The following TRANK1 variants were observed in gnomAD, a reference collection of about 807,000 sequenced individuals.
TRANK1 encodes tetratricopeptide repeat and ankyrin repeat containing 1.
TRANK1 carries 198 observed loss-of-function variants against 266.0 expected under a neutral mutation model. That is an observed-to-expected ratio of 0.74 (90% CI 0.66 to 0.84). The LOEUF is 0.84. TRANK1 is among the 40% of genes least tolerant of loss of function. The pLI is 0.00. For synonymous variants in TRANK1, 1,396 were observed against 1,384.1 expected (o/e 1.01, Z -0.19); for missense variants, 3,326 against 3,634.6 (o/e 0.92, Z 2.18).
chr3:36,845,994 C>G (rs2078908838), intron 17 of TRANK1, among the ~76,000 whole-genome samples: 1 of 152,202 alleles, frequency 6.6e-6, no homozygotes, highest in South Asian at 2.1e-4. Context: ...CCTATTTCCT[C>G]TAGCCCTGTC....
chr3:36,870,823 C>T (rs1383600347), intron 9 of TRANK1, among the ~76,000 whole-genome samples: 1 of 152,084 alleles, frequency 6.6e-6, no homozygotes, highest in African/African-American at 2.4e-5. Context: ...TCTACTGAGT[C>T]TCTTCTCTTG....
rs1482368321 is a variant in TRANK1, at chr3:36,828,362, T to C, written c.8823A>G (p.Glu2941=). Residue 2941 remains glutamate, a synonymous_variant, in exon 24 of 24, where the codon GAA becomes GAG. Coordinates refer to ENST00000645898, the MANE Select transcript of TRANK1 (RefSeq NM_001329998.2). Reference sequence around the variant, plus strand: ...CTTCAACTTCATTTTCATAATCATCTTCCTGAACAATACCTGAAGAAAGAA... The same window carrying C: ...CTTCAACTTCATTTTCATAATCATCCTCCTGAACAATACCTGAAGAAAGAA... ...TRLKKEGIVQ[E]DDYENEVEDF... is the part of the protein sequence containing the mutation. The C allele has an allele frequency of 1.3e-6, 2 of 1,596,850 alleles. No individual in the cohort carries two copies. The highest frequency in any genetic ancestry group is 2.2e-5 in the South Asian group (2 of 89,850).
At chr3:36,909,980 CAATA>C (rs2080028625) in intron 1 of TRANK1, among the ~76,000 whole-genome samples, 1 of 152,108 alleles carries the variant, frequency 6.6e-6, no homozygotes, top group Admixed American at 6.6e-5. Context: ...GCCATTTGTC[CAATA>C]AATATTCTTT....
At chr3:36,884,286 G>A (rs999480025) in intron 8 of TRANK1, among the ~76,000 whole-genome samples, 2 of 152,280 alleles carry the variant, frequency 1.3e-5, no homozygotes, top group East Asian at 3.9e-4. Context: ...ACTCCGCTTC[G>A]CAATGGCATA....
intron 15 of TRANK1, among the ~76,000 whole-genome samples, chr3:36,847,760 T>G (rs2078935190): frequency 6.6e-6 from 1 of 152,228 alleles, no homozygotes; most frequent in African/African-American, 2.4e-5. Context: ...AACTAAATTA[T>G]TTAACCGAGG....
intron 1 of TRANK1, among the ~76,000 whole-genome samples, chr3:36,923,951 ACT>A (rs60892275): frequency 0.028 from 4,245 of 151,682 alleles, 198 homozygotes; most frequent in African/African-American, 0.097. Context: ...AGGGAAGAAG[ACT>A]CTCTCTCCTA....
intron 20 of TRANK1, among the ~76,000 whole-genome samples, chr3:36,835,376 A>C (rs949747098): frequency 6.6e-6 from 1 of 151,526 alleles, no homozygotes; most frequent in Non-Finnish European, 1.5e-5. Flanking sequence ...TAGGAAAACC[A>C]ATTATTTAAG....
rs1335084669 is a variant in TRANK1, at chr3:36,895,767, A to G, written c.434-9T>C. On this transcript the variant is annotated splice_polypyrimidine_tract_variant and intron_variant, in intron 4 of 23. Coordinates refer to ENST00000645898, the MANE Select transcript of TRANK1 (RefSeq NM_001329998.2). ...CAAAACAATGGAGTCACCTAAAAGA[A>G]AGTTTCATAATTTAGGGATTTTAAT... 41 of 1,512,532 alleles carry G rather than the reference A, an allele frequency of 2.7e-5. No homozygotes were observed. Among genetic ancestry groups the G allele is most frequent in the Non-Finnish European group, 3.6e-5 (41 of 1,133,052 alleles). 93.7% of individuals were successfully genotyped at this position (1,512,532 alleles called of 1,614,324 possible).
chr3:36,890,527 T>C (rs2079677267), intron 7 of TRANK1, among the ~76,000 whole-genome samples: 1 of 152,080 alleles, frequency 6.6e-6, no homozygotes, highest in African/African-American at 2.4e-5. Flanking sequence ...AAAGAGCAAC[T>C]CTCTGCCCAA....
rs149620774 is a variant in TRANK1, at chr3:36,922,853, AGT to A, written c.24-14401_24-14400del. On this transcript the variant is annotated intron_variant, in intron 1 of 23. Transcript: ENST00000645898. ...TCTAGCCACATTTCAAGTACTCCAT[AGT>A]CATACGTGGCTAGTAGCTATCTTAT... Among the ~76,000 whole-genome samples, 318 of 152,244 alleles carry A rather than the reference AGT, an allele frequency of 2.1e-3. 7 individuals are homozygous for A. In the East Asian group the frequency reaches 0.055, roughly 26 times the overall value.
intron 1 of TRANK1, among the ~76,000 whole-genome samples, chr3:36,944,250 C>T (rs1279292968): frequency 1.3e-5 from 2 of 152,238 alleles, no homozygotes; most frequent in Non-Finnish European, 2.9e-5. Flanking sequence ...TTTGAGCCAG[C>T]CCAGCAGCCC....
chr3:36,882,920 G>A (rs549875974), intron 8 of TRANK1, among the ~76,000 whole-genome samples: 20 of 152,124 alleles, frequency 1.3e-4, no homozygotes, highest in East Asian at 9.6e-4. Context: ...AAATTAAAAC[G>A]ATACTGGAAG....
At chr3:36,860,169 C>T (rs1458590574) in intron 11 of TRANK1, among the ~76,000 whole-genome samples, 1 of 152,146 alleles carries the variant, frequency 6.6e-6, no homozygotes, top group Non-Finnish European at 1.5e-5. Flanking sequence ...CTTCTAAAAG[C>T]CTGCACACAT....
At chr3:36,846,464 C>G (rs928206319) in intron 16 of TRANK1, 60 bp from the exon 17 acceptor site, 1 of 1,536,250 alleles carries the variant, frequency 6.5e-7, no homozygotes, top group East Asian at 2.3e-5. Context: ...CAAAGTGACA[C>G]ACTTCAATGG....
intron 9 of TRANK1, among the ~76,000 whole-genome samples, chr3:36,869,175 G>C (rs2079269919): frequency 6.6e-6 from 1 of 152,206 alleles, no homozygotes. Flanking sequence ...AGAATCTCAG[G>C]TCCTGCCCTG....
intron 1 of TRANK1, among the ~76,000 whole-genome samples, chr3:36,930,433 G>A (rs1378730780): frequency 2.6e-5 from 4 of 152,194 alleles, no homozygotes; most frequent in African/African-American, 9.6e-5. Flanking sequence ...TTTTCGCCAT[G>A]TGAAACCAGC....
intron 9 of TRANK1, among the ~76,000 whole-genome samples, chr3:36,872,693 T>C (rs2079327097): frequency 6.6e-6 from 1 of 152,112 alleles, no homozygotes; most frequent in Non-Finnish European, 1.5e-5. Flanking sequence ...AGATAGAGAC[T>C]AGTAGGGAAA....
Position 36,889,860 on chromosome 3 carries a change from G to T in TRANK1, c.876C>A (p.Val292=). Residue 292 remains valine (V), a synonymous_variant, in exon 8 of 24, where the codon GTC becomes GTA. Transcript: ENST00000645898. ...CGAGGTATCCTGGGGAGTGGGCAGC[G>T]ACGACGTGCAGGACAGTGCAGCCAT... ...DGDGCTVLHV[V]AAHSPGYLVK... is the part of the protein sequence containing the mutation. 1 of 1,537,162 alleles carries T rather than the reference G, an allele frequency of 6.5e-7. No individual in the cohort carries two copies. The highest frequency in any genetic ancestry group is 8.7e-7 in the Non-Finnish European group (1 of 1,146,868).
Position 36,899,150 on chromosome 3 carries a change from G to C in TRANK1, c.392C>G (p.Pro131Arg). ...RLVQRSQDQA[P>R]VADFLVGVFT... is the part of the protein sequence containing the mutation. ...GACTCCAACAAGGAAATCAGCAACC[G>C]GTGCCTGGTCTTGGCTTCTCTGCAC... Residue 131 changes from proline (P) to arginine (R), a missense_variant, in exon 4 of 24, where the codon CCG (proline) becomes CGG (arginine). Pro to Arg is a moderately radical substitution (Grantham distance 103). Transcript: ENST00000645898. 6.5e-7 allele frequency: 1 copy of C among 1,537,260 alleles called. No individual in the cohort carries two copies.
Sources: gnomAD v4.1 joint callset for allele counts (sites outside exome capture counted in the v4.1 genomes callset) on GRCh38, gnomAD v4.1.1 for gene constraint, MANE v1.5 for transcripts, NCBI Gene and HGNC (gene_info 2026-07-23, HGNC 2026-07-21) for gene names.